BIN1: variants seen among roughly 807,000 people sequenced by gnomAD.
BIN1 encodes the protein myc box-dependent-interacting protein 1.
Under a neutral mutation model 82.0 loss-of-function variants are expected in BIN1, and 53 were observed. That is an observed-to-expected ratio of 0.65 (90% confidence interval 0.52 to 0.81). The LOEUF is 0.81. Ranked by LOEUF, BIN1 falls within the 40% of genes least tolerant of loss-of-function variation. BIN1 has a pLI of 0.00. For synonymous variants in BIN1, 302 were observed against 328.0 expected, an observed-to-expected ratio of 0.92 and a Z score of 0.86; for missense variants, 642 against 784.4, an observed-to-expected ratio of 0.82 and a Z score of 2.17.
chr2:127,075,010 T>G (rs1177639985), intron 2 of BIN1, among the ~76,000 whole-genome samples: 1 of 152,098 alleles, frequency 6.6e-6, no homozygotes. Context: ...CAGCTCAGCC[T>G]GTTCTAAGGG....
At chr2:127,081,717 T>C (rs1032215829) in intron 1 of BIN1, 123 of 1,129,312 alleles carry the variant, frequency 1.1e-4, no homozygotes, top group Non-Finnish European at 1.4e-4. Flanking sequence ...GGCAGCAGAG[T>C]TCCCAACACC....
At position 127,076,690 on chromosome 2, in the gene BIN1, C is replaced by T; in HGVS notation, c.101G>A (p.Gly34Glu). 6.2e-7 allele frequency: 1 copy of T among 1,614,092 alleles called. No homozygotes were observed. Among genetic ancestry groups the T allele is most frequent in the Non-Finnish European group, 8.5e-7 (1 of 1,180,024 alleles). The change falls in exon 2 of 19, where the codon GGG (glycine) becomes GAG (glutamate). Residue 34 changes from glycine (G) to glutamate (E), a missense_variant. Transcript: ENST00000316724. ...RAQEKVLQKL[G>E]KADETKDEQF... is the part of the protein sequence containing the mutation. ...CTCATCCTTGGTCTCATCTGCCTTC[C>T]CCAGCTTCTGGAGAACCTGCCGAAG...
At chr2:127,060,150 AC>A (rs1415941725) in intron 10 of BIN1, among the ~76,000 whole-genome samples, 1 of 152,184 alleles carries the variant, frequency 6.6e-6, no homozygotes. Flanking sequence ...TGTCGCTGAC[AC>A]CATCTTTCCT....
At chr2:127,094,628 G>A (rs11694264) in intron 1 of BIN1, among the ~76,000 whole-genome samples, 26,968 of 152,276 alleles carry the variant, frequency 0.18, 2,775 homozygotes, top group Non-Finnish European at 0.23. Context: ...AGACTATGGG[G>A]AAGGCCTCCC....
chr2:127,054,256 CAGG>C (rs1279746937), intron 12 of BIN1: 1 of 549,470 alleles, frequency 1.8e-6, no homozygotes, highest in African/African-American at 1.9e-5. Context: ...CCGCCCACAC[CAGG>C]AGGACGACCC....
chr2:127,055,929 G>A (rs1683604655), intron 12 of BIN1: 1 of 152,294 alleles, frequency 6.6e-6, no homozygotes, highest in South Asian at 2.1e-4. Flanking sequence ...CCAGTTGCCT[G>A]GAGATGGCAC....
rs1685321694 is a variant in BIN1 at position 127,067,673 on chromosome 2, C to G, written c.612+490G>C. On this transcript the variant is annotated intron_variant, in intron 7 of 18. Coordinates refer to ENST00000316724, the MANE Select transcript of BIN1 (RefSeq NM_139343.3). This position sits in a 1 kb window ranked among gnomAD's most constrained non-coding sequence, Gnocchi z 4.7. ...CGCAGGGGCTTCAGTCAGGAGAGCC[C>G]CAACCCTGCCCCTAACCGGCTCTGG... Among the ~76,000 whole-genome samples the G allele has an allele frequency of 6.6e-6, 1 of 152,208 alleles. No individual in the cohort carries two copies. The highest frequency in any genetic ancestry group is 2.1e-4 in the South Asian group (1 of 4,830).
intron 15 of BIN1, 80 bp downstream of exon 15, chr2:127,052,175 C>A: frequency 7.0e-7 from 1 of 1,422,080 alleles, no homozygotes; most frequent in Non-Finnish European, 9.7e-7. Flanking sequence ...CTCCTGCAAC[C>A]CCTCCTCGGG....
At chr2:127,053,253 G>T in intron 14 of BIN1, 169 bp downstream of exon 14, 1 of 911,884 alleles carries the variant, frequency 1.1e-6, no homozygotes, top group Non-Finnish European at 1.7e-6. Flanking sequence ...ATGGCTGGAG[G>T]CGGGTGGCTT....
Position 127,059,415 on chromosome 2 carries a change from G to A in BIN1, c.858-260C>T, listed in dbSNP as rs1295992692. Among the ~76,000 whole-genome samples the A allele has an allele frequency of 1.3e-5, 2 of 151,940 alleles. No homozygotes were observed. The highest frequency in any genetic ancestry group is 2.9e-5 in the Non-Finnish European group (2 of 67,946). ...TGGGACTCCAGGCTGGAGGTCTATG[G>A]TCCCCAGGAGTGCAGGCAGGTCCCT... On this transcript the variant is annotated intron_variant, in intron 10 of 18. Coordinates refer to ENST00000316724, the MANE Select transcript of BIN1 (RefSeq NM_139343.3). The surrounding 1 kb of genome is among the most constrained non-coding windows in gnomAD (Gnocchi z 6.7).
At chr2:127,086,391 G>A (rs1429989022) in intron 1 of BIN1, among the ~76,000 whole-genome samples, 1 of 152,118 alleles carries the variant, frequency 6.6e-6, no homozygotes, top group Non-Finnish European at 1.5e-5. Context: ...AACCAACATA[G>A]ACAGCTTGTG....
chr2:127,101,006 T>TGGGGGGGGGGGGGGGGGGGGG (rs368156938), intron 1 of BIN1, among the ~76,000 whole-genome samples: 1 of 109,264 alleles, frequency 9.2e-6, no homozygotes, highest in African/African-American at 4.2e-5. Context: ...GTGCGGGGGG[T>TGGGGGGGGGGGGGGGGGGGGG]GGGGATAGAC....
intron 1 of BIN1, among the ~76,000 whole-genome samples, chr2:127,083,458 T>G (rs1391955774): frequency 1.3e-5 from 2 of 152,200 alleles, no homozygotes; most frequent in African/African-American, 4.8e-5. Context: ...GAAGGGTCAC[T>G]GGGATGACCT....
Position 127,059,116 on chromosome 2 carries a change from A to G in BIN1, c.897T>C (p.Pro299=). ...APAKGNKSPS[P]PDGSPAATPE... is the part of the protein sequence containing the mutation. ...GGGTGGCGGCAGGGGAGCCATCTGG[A>G]GGCGAAGGGCTCTTGTTCCCTTTTG... Residue 299 remains proline, a synonymous_variant, in exon 11 of 19, where the codon CCT becomes CCC. Coordinates refer to ENST00000316724, the MANE Select transcript of BIN1 (RefSeq NM_139343.3). The surrounding 1 kb of genome is among the most constrained non-coding windows in gnomAD (Gnocchi z 6.7). 1 of 1,593,026 alleles carries G rather than the reference A, an allele frequency of 6.3e-7. No individual in the cohort carries two copies.
rs371371628 is a variant in BIN1, at chr2:127,099,598, C to G, written c.84+7262G>C. Among the ~76,000 whole-genome samples, 185 of 152,314 alleles carry G rather than the reference C, an allele frequency of 1.2e-3. 1 individual carries two copies. The highest frequency in any genetic ancestry group is 4.3e-3 in the African/African-American group (177 of 41,574). On this transcript the variant is annotated intron_variant, in intron 1 of 18. Transcript: ENST00000316724. ...ACACGATCTGGGCTCACTGCAACCG[C>G]CGCCTCCCGGGTTCAAGCGATTCTC...
intron 1 of BIN1, among the ~76,000 whole-genome samples, chr2:127,091,870 T>C (rs1163136761): frequency 6.6e-6 from 1 of 152,006 alleles, no homozygotes; most frequent in Non-Finnish European, 1.5e-5. Flanking sequence ...ACACTCAGCC[T>C]GGGTAACAGA....
At chr2:127,055,092 G>C (rs1474269504) in intron 12 of BIN1, 1 of 152,286 alleles carries the variant, frequency 6.6e-6, no homozygotes, top group Non-Finnish European at 1.5e-5. Context: ...GGCAGTGCTG[G>C]AAGAACTCCA....
rs926412671 is a variant in BIN1 at position 127,076,496 on chromosome 2, A to C, written c.165+130T>G. On this transcript the variant is annotated intron_variant, in intron 2 of 18. Transcript: ENST00000316724. ...TGCTCCCTCCTCTAGGAAGTCTTAC[A>C]TGATCTTGTCAGCCCACACTGATTA... The C allele has an allele frequency of 8.4e-6, 9 of 1,069,100 alleles. No individual in the cohort carries two copies. In the South Asian group the frequency reaches 1.1e-4, roughly 13 times the overall value. The allele number at this position is 1,069,100 out of a possible 1,614,324, so 66.2% of individuals were successfully genotyped here.
chr2:127,089,892 C>G (rs764426286), intron 1 of BIN1, among the ~76,000 whole-genome samples: 2 of 152,056 alleles, frequency 1.3e-5, no homozygotes, highest in Non-Finnish European at 2.9e-5. Flanking sequence ...TAAGAGGGCC[C>G]AGCAGAGCCG....
Sources: allele counts gnomAD v4.1 joint callset (sites outside exome capture counted in the v4.1 genomes callset), GRCh38; gene constraint gnomAD v4.1.1; non-coding constraint Gnocchi (gnomAD v3.1); transcripts MANE v1.5; gene names NCBI Gene and HGNC (gene_info 2026-07-23, HGNC 2026-07-21).